Variants in MMP16 observed in about 807,000 individuals in gnomAD.
The protein encoded by MMP16 is matrix metallopeptidase 16.
Under a neutral mutation model 67.8 loss-of-function variants are expected in MMP16, and 12 were observed. The ratio of observed to expected loss-of-function variants is 0.18; its 90% confidence interval spans 0.11 to 0.29. MMP16 has a LOEUF of 0.29. Among genes scored for constraint, MMP16 ranks in the 10% least tolerant of loss-of-function variants. The pLI, the probability that MMP16 is intolerant of heterozygous loss-of-function variation, is 1.00. For missense variants in MMP16, 475 were observed against 765.7 expected, an observed-to-expected ratio of 0.62 and a Z score of 4.48; for synonymous variants, 249 against 255.9, an observed-to-expected ratio of 0.97 and a Z score of 0.26.
At chr8:88,158,654 A>G in intron 4 of MMP16, among the ~76,000 whole-genome samples, 1 of 152,106 alleles carries the variant, frequency 6.6e-6, no homozygotes, top group Non-Finnish European at 1.5e-5. Flanking sequence ...TGCTGTGCAG[A>G]AGCTCTTTAG....
intron 1 of MMP16, among the ~76,000 whole-genome samples, chr8:88,297,434 A>T (rs765927554): frequency 2.0e-5 from 3 of 152,204 alleles, no homozygotes; most frequent in Non-Finnish European, 4.4e-5. Context: ...AGCCTCAGTC[A>T]TTATGATTAA....
intron 4 of MMP16, among the ~76,000 whole-genome samples, chr8:88,146,186 G>C (rs978853064): frequency 6.6e-6 from 1 of 151,902 alleles, no homozygotes; most frequent in African/African-American, 2.4e-5. Context: ...ATTCAGTTAA[G>C]ATAAAATATT....
chr8:88,114,396 A>G (rs1406916078), intron 6 of MMP16, among the ~76,000 whole-genome samples: 1 of 151,868 alleles, frequency 6.6e-6, no homozygotes, highest in Non-Finnish European at 1.5e-5. Context: ...GTTTGATTAG[A>G]CTTCAGTACT....
intron 1 of MMP16, among the ~76,000 whole-genome samples, chr8:88,307,316 TC>T (rs1487667068): frequency 6.6e-6 from 1 of 152,112 alleles, no homozygotes; most frequent in African/African-American, 2.4e-5. Flanking sequence ...TGAATGAAAG[TC>T]TTGAATAAAA....
At chr8:88,299,284 C>T (rs1190269522) in intron 1 of MMP16, among the ~76,000 whole-genome samples, 1 of 152,008 alleles carries the variant, frequency 6.6e-6, no homozygotes, top group Non-Finnish European at 1.5e-5. Context: ...TTTGTTTATT[C>T]ATGGAAATCA....
chr8:88,241,487 A>G (rs1161724328), intron 1 of MMP16, among the ~76,000 whole-genome samples: 1 of 152,136 alleles, frequency 6.6e-6, no homozygotes, highest in Non-Finnish European at 1.5e-5. Context: ...TTATTTAGGT[A>G]GAGAGTTTCA....
chr8:88,084,077 A>C (rs1021595023), intron 6 of MMP16, among the ~76,000 whole-genome samples: 1 of 152,062 alleles, frequency 6.6e-6, no homozygotes, highest in Non-Finnish European at 1.5e-5. Context: ...CAATGTTATT[A>C]AAATCTCACC....
At chr8:88,251,880 AAC>A (rs1810229257) in intron 1 of MMP16, among the ~76,000 whole-genome samples, 6 of 98,876 alleles carry the variant, frequency 6.1e-5, no homozygotes, top group African/African-American at 2.5e-4. Context: ...GCAGCCAAAA[AAC>A]ACATGAAAAA....
intron 4 of MMP16, among the ~76,000 whole-genome samples, chr8:88,140,480 G>A (rs1012636005): frequency 6.6e-6 from 1 of 151,974 alleles, no homozygotes; most frequent in Non-Finnish European, 1.5e-5. Flanking sequence ...TGTTTCAATG[G>A]GACAAGTGTC....
rs2118156782 is a variant in MMP16, at chr8:88,032,099, G to T, written c.*9362C>A. 6.6e-6 allele frequency: 1 copy of T among 152,232 alleles called. No individual in the cohort carries two copies. The highest frequency in any genetic ancestry group is 1.5e-5 in the Non-Finnish European group (1 of 67,994). 9.4% of individuals were successfully genotyped at this position (152,232 alleles called of 1,614,324 possible). A position where few individuals can be genotyped will look rare whatever the true frequency, so the allele number is the denominator to read the frequency against. ...TACAGAAGATGCAATAGTATAAAAA[G>T]CCATTTAACCCTTCCCTAGGTTAAG... is the stretch of plus-strand genomic sequence containing the variant. On this transcript the variant is annotated 3_prime_UTR_variant, in exon 10 of 10. Transcript: ENST00000286614.
intron 1 of MMP16, among the ~76,000 whole-genome samples, chr8:88,324,198 C>T (rs1811503851): frequency 1.3e-5 from 2 of 152,140 alleles, no homozygotes; most frequent in South Asian, 4.1e-4. Flanking sequence ...TTCCTTTTTG[C>T]TTCTTAAAAA....
At chr8:88,228,275 G>T (rs535697730) in intron 1 of MMP16, among the ~76,000 whole-genome samples, 1 of 152,070 alleles carries the variant, frequency 6.6e-6, no homozygotes, top group African/African-American at 2.4e-5. Context: ...ATTATTATAA[G>T]AAAATAATAT....
chr8:88,055,449 C>T (rs1017006343), intron 8 of MMP16, among the ~76,000 whole-genome samples: 4 of 152,174 alleles, frequency 2.6e-5, no homozygotes, highest in Non-Finnish European at 5.9e-5. Context: ...CTCAAGTGAT[C>T]CACCCACCTT....
intron 1 of MMP16, among the ~76,000 whole-genome samples, chr8:88,304,921 T>C (rs138925655): frequency 6.6e-6 from 1 of 152,248 alleles, no homozygotes; most frequent in East Asian, 1.9e-4. Flanking sequence ...ACCATCATAA[T>C]GACAGGATCA....
intron 1 of MMP16, among the ~76,000 whole-genome samples, chr8:88,240,168 T>A (rs1413910778): frequency 1.3e-5 from 2 of 152,204 alleles, no homozygotes; most frequent in East Asian, 3.8e-4. Context: ...CATGAACCCT[T>A]TCTGTGTCAT....
At chr8:88,314,483 C>T (rs1313791282) in intron 1 of MMP16, among the ~76,000 whole-genome samples, 1 of 152,174 alleles carries the variant, frequency 6.6e-6, no homozygotes, top group Non-Finnish European at 1.5e-5. Context: ...CAACAAATAT[C>T]ACTGAGCTTT....
chr8:88,222,406 G>A (rs1809697673), intron 1 of MMP16, among the ~76,000 whole-genome samples: 1 of 152,070 alleles, frequency 6.6e-6, no homozygotes, highest in African/African-American at 2.4e-5. Flanking sequence ...TAAGCAAAAA[G>A]AACAAAGCTG....
intron 1 of MMP16, among the ~76,000 whole-genome samples, chr8:88,322,681 A>G (rs35889496): frequency 0.59 from 89,580 of 151,586 alleles, 28,105 homozygotes; most frequent in Admixed American, 0.71. Flanking sequence ...TTAAAAAAAA[A>G]AAAAGAAAAA....
chr8:88,144,595 T>C (rs983597255), intron 4 of MMP16, among the ~76,000 whole-genome samples: 1 of 151,792 alleles, frequency 6.6e-6, no homozygotes, highest in Non-Finnish European at 1.5e-5. Flanking sequence ...GAGACTAATA[T>C]AATATGGGAA....
Sources: allele counts gnomAD v4.1 joint callset (sites outside exome capture counted in the v4.1 genomes callset), GRCh38; gene constraint gnomAD v4.1.1; transcripts MANE v1.5; gene names NCBI Gene and HGNC (gene_info 2026-07-23, HGNC 2026-07-21).